Variants in PCDHGA5 observed in about 807,000 individuals in gnomAD.
PCDHGA5 encodes protocadherin gamma subfamily A, 5.
PCDHGA5 carries 36 observed loss-of-function variants against 56.7 expected under a neutral mutation model. The ratio of observed to expected loss-of-function variants is 0.64; its 90% CI spans 0.49 to 0.84. PCDHGA5 has a LOEUF of 0.84. PCDHGA5 is among the 40% of genes least tolerant of loss of function. The pLI is 0.00. For missense variants in PCDHGA5, 1,305 were observed against 1,201.5 expected, an observed-to-expected ratio of 1.09 and a Z score of -1.27; for synonymous variants, 563 against 520.2, an observed-to-expected ratio of 1.08 and a Z score of -1.12.
intron 1 of PCDHGA5, among the ~76,000 whole-genome samples, chr5:141,484,045 G>A (rs934525987): frequency 7.9e-5 from 12 of 152,026 alleles, no homozygotes; most frequent in African/African-American, 2.9e-4. Context: ...AGCTCCAAGA[G>A]GTCCCCTGGG....
intron 1 of PCDHGA5, chr5:141,378,592 C>T (rs1309988973): frequency 6.6e-6 from 1 of 152,104 alleles, no homozygotes; most frequent in Non-Finnish European, 1.5e-5. Flanking sequence ...GTAGTGTCTG[C>T]TTACAGGACA....
intron 1 of PCDHGA5, chr5:141,421,469 G>C (rs767500900): frequency 2.5e-6 from 4 of 1,614,122 alleles, no homozygotes; most frequent in Non-Finnish European, 3.4e-6. Context: ...GTGAATCCGC[G>C]AAGCGGCAGC....
chr5:141,436,659 G>A (rs771567212), intron 1 of PCDHGA5, among the ~76,000 whole-genome samples: 3 of 152,136 alleles, frequency 2.0e-5, no homozygotes, highest in Non-Finnish European at 2.9e-5. Flanking sequence ...GCCATTTTTA[G>A]TGGTTGACCA....
At position 141,431,211 on chromosome 5, in the gene PCDHGA5, G is replaced by C. The variant is rs1054638121; in HGVS notation, c.2422-63596G>C. Reference sequence around the variant, plus strand: ...AGTGAAAATGCAGCCACTGAGATGCGGTTCCCTCTACCCCACGCCTGGGAT... The same window carrying C: ...AGTGAAAATGCAGCCACTGAGATGCCGTTCCCTCTACCCCACGCCTGGGAT... On this transcript the variant is annotated intron_variant, in intron 1 of 3. Coordinates refer to ENST00000518069, the MANE Select transcript of PCDHGA5 (RefSeq NM_018918.3). This position sits in a 1 kb window ranked among gnomAD's most constrained non-coding sequence, Gnocchi z 4.8. 1.2e-6 allele frequency: 2 copies of C among 1,614,122 alleles called. No individual in the cohort carries two copies. Among genetic ancestry groups the C allele is most frequent in the Non-Finnish European group, 1.7e-6 (2 of 1,180,036 alleles).
intron 3 of PCDHGA5, among the ~76,000 whole-genome samples, chr5:141,510,415 C>G (rs2099881071): frequency 6.6e-6 from 1 of 152,082 alleles, no homozygotes; most frequent in Admixed American, 6.5e-5. Flanking sequence ...GCATGTAAAG[C>G]CATGGTTTCA....
chr5:141,371,611 CAGAT>C, intron 1 of PCDHGA5: 1 of 1,613,996 alleles, frequency 6.2e-7, no homozygotes, highest in African/African-American at 1.3e-5. Context: ...AGGTTGGTGA[CAGAT>C]GGAGCCCTGG....
intron 1 of PCDHGA5, chr5:141,427,830 C>G (rs749612858): frequency 7.8e-6 from 12 of 1,538,206 alleles, no homozygotes; most frequent in Non-Finnish European, 1.1e-5. Context: ...GGTCGCGCAG[C>G]GTGCCTTCGA....
intron 1 of PCDHGA5, among the ~76,000 whole-genome samples, chr5:141,445,417 A>C (rs1483224509): frequency 6.6e-6 from 1 of 152,208 alleles, no homozygotes; most frequent in Non-Finnish European, 1.5e-5. Context: ...ACTGTCTGCT[A>C]TATGCAAGGC....
At position 141,380,476 on chromosome 5, in the gene PCDHGA5, TC is replaced by T. The variant is rs534346627; in HGVS notation, c.2421+13728del. Among the ~76,000 whole-genome samples the T allele has an allele frequency of 1.1e-4, 16 of 152,316 alleles. No homozygotes were observed. The South Asian group carries it at 3.1e-3, about 30-fold the overall frequency. ...CAACCAAACAAATGGTCAGGATTCT[TC>T]CCAATATCTCAGTCAACAATAATAT... is the stretch of plus-strand genomic sequence containing the variant. On this transcript the variant is annotated intron_variant, in intron 1 of 3. Transcript: ENST00000518069.
chr5:141,418,948 A>G (rs767664022), intron 1 of PCDHGA5: 1 of 1,614,042 alleles, frequency 6.2e-7, no homozygotes, highest in Non-Finnish European at 8.5e-7. Context: ...CCCCTCCAGG[A>G]GTGGTTGTTG....
Position 141,432,061 on chromosome 5 carries a change from G to A in PCDHGA5, c.2422-62746G>A. 1 of 1,614,130 alleles carries A rather than the reference G, an allele frequency of 6.2e-7. No homozygotes were observed. The highest frequency in any genetic ancestry group is 8.5e-7 in the Non-Finnish European group (1 of 1,180,034). ...ACCGGGGAACCCCGCCCCTATCCAC[G>A]GAAACTCATATCTCGCTGAACGTGG... On this transcript the variant is annotated intron_variant, in intron 1 of 3. Coordinates refer to ENST00000518069, the MANE Select transcript of PCDHGA5 (RefSeq NM_018918.3). The surrounding 1 kb of genome is among the most constrained non-coding windows in gnomAD (Gnocchi z 6.0).
intron 1 of PCDHGA5, chr5:141,414,447 C>A (rs2095748360): frequency 1.2e-6 from 2 of 1,613,848 alleles, no homozygotes; most frequent in East Asian, 2.2e-5. Flanking sequence ...CTTACAATAT[C>A]ACAGTGACAG....
intron 1 of PCDHGA5, chr5:141,392,972 G>C (rs2092640426): frequency 6.2e-7 from 1 of 1,613,802 alleles, no homozygotes; most frequent in African/African-American, 1.3e-5. Context: ...AGGACCTGGG[G>C]CTGGACCCCC....
Position 141,365,030 on chromosome 5 carries a change from G to T in PCDHGA5, c.700G>T (p.Asp234Tyr). 1.2e-6 allele frequency: 2 copies of T among 1,613,856 alleles called. No individual in the cohort carries two copies. The highest frequency in any genetic ancestry group is 1.7e-6 in the Non-Finnish European group (2 of 1,179,900). ...GTTHIRVTVL[D>Y]ANDNAPLFTP... is the part of the protein sequence containing the mutation. ...CACGCACATCCGTGTTACGGTCCTC[G>T]ACGCAAACGACAATGCGCCCCTGTT... is the stretch of plus-strand genomic sequence containing the variant. Residue 234 changes from aspartate (D) to tyrosine (Y), a missense_variant, in exon 1 of 4, where the codon GAC becomes TAC. Transcript: ENST00000518069.
In PCDHGA5 at chr5:141,389,714, C is replaced by T. The variant is rs771532940; in HGVS notation, c.2421+22963C>T. Reference sequence around the variant, plus strand: ...TGTCCTACCACGTGCTGCAGGCTAGCGAGCCCGGGCTCTTCAGCCTGGGGC... The same window carrying T: ...TGTCCTACCACGTGCTGCAGGCTAGTGAGCCCGGGCTCTTCAGCCTGGGGC... On this transcript the variant is annotated intron_variant, in intron 1 of 3. Transcript: ENST00000518069. 9 of 1,612,418 alleles carry T rather than the reference C, an allele frequency of 5.6e-6. No individual in the cohort carries two copies. In the Admixed American group the frequency reaches 1.2e-4, roughly 21 times the overall value.
chr5:141,376,348 C>T (rs1293667748), intron 1 of PCDHGA5: 6 of 1,614,184 alleles, frequency 3.7e-6, no homozygotes, highest in Non-Finnish European at 4.2e-6. Context: ...CCTATTCCCA[C>T]GAGGTCTCAC....
chr5:141,384,201 G>C (rs369190060), intron 1 of PCDHGA5: 30 of 1,613,802 alleles, frequency 1.9e-5, no homozygotes, highest in Non-Finnish European at 2.5e-5. Flanking sequence ...CCTTGTCCAG[G>C]GAAACTCACA....
intron 1 of PCDHGA5, among the ~76,000 whole-genome samples, chr5:141,457,254 A>G (rs2098914828): frequency 6.6e-6 from 1 of 152,222 alleles, no homozygotes; most frequent in Admixed American, 6.5e-5. Flanking sequence ...TTGCCAACAT[A>G]TAGAATTCCC....
chr5:141,428,861 T>G (rs1435613271), intron 1 of PCDHGA5: 1 of 73,058 alleles, frequency 1.4e-5, no homozygotes, highest in Non-Finnish European at 2.5e-5. Flanking sequence ...TACGGGAGAC[T>G]TTTTTTTTTT....
Sources: allele counts gnomAD v4.1 joint callset (sites outside exome capture counted in the v4.1 genomes callset), GRCh38; gene constraint gnomAD v4.1.1; non-coding constraint Gnocchi (gnomAD v3.1); transcripts MANE v1.5; gene names NCBI Gene and HGNC (gene_info 2026-07-23, HGNC 2026-07-21).